Variants in NTM observed in about 807,000 individuals in gnomAD.
NTM encodes the protein IgLON family member 2.
NTM carries 13 observed loss-of-function variants against 42.1 expected under a neutral mutation model. The ratio of observed to expected loss-of-function variants is 0.31; its 90% CI spans 0.20 to 0.49. NTM has a LOEUF of 0.49. Ranked by LOEUF, NTM falls within the 20% of genes least tolerant of loss-of-function variation. The pLI is 0.99. For missense variants in NTM, 373 were observed against 452.8 expected (o/e 0.82, Z 1.60); for synonymous variants, 187 against 179.2 (o/e 1.04, Z -0.35).
At chr11:131,889,475 C>T (rs1449845658) in intron 1 of NTM, among the ~76,000 whole-genome samples, 1 of 152,192 alleles carries the variant, frequency 6.6e-6, no homozygotes, top group Non-Finnish European at 1.5e-5. Context: ...CTAAGCAAAA[C>T]ATAATTACCC....
chr11:131,911,074 G>A, intron 1 of NTM: 1 of 1,115,270 alleles, frequency 9.0e-7, no homozygotes, highest in Non-Finnish European at 1.1e-6. Context: ...GCTGGATGAA[G>A]CCCACCCCGT....
chr11:131,820,157 AC>A (rs1277583205), intron 1 of NTM, among the ~76,000 whole-genome samples: 1 of 152,220 alleles, frequency 6.6e-6, no homozygotes, highest in Non-Finnish European at 1.5e-5. Context: ...CCTTTCAACC[AC>A]AACAGCCTGG....
intron 1 of NTM, among the ~76,000 whole-genome samples, chr11:131,694,963 G>A (rs528648719): frequency 3.9e-5 from 6 of 152,292 alleles, no homozygotes; most frequent in African/African-American, 1.4e-4. Context: ...CCCCAGCAGA[G>A]GGGCAGTCGG....
At chr11:132,203,626 A>G (rs1263144816) in intron 3 of NTM, among the ~76,000 whole-genome samples, 1 of 152,158 alleles carries the variant, frequency 6.6e-6, no homozygotes, top group Non-Finnish European at 1.5e-5. Flanking sequence ...GCGCGGTGGC[A>G]CATGCCTGTA....
At chr11:131,474,668 C>T (rs989885064) in intron 1 of NTM, among the ~76,000 whole-genome samples, 1 of 152,180 alleles carries the variant, frequency 6.6e-6, no homozygotes, top group Non-Finnish European at 1.5e-5. Flanking sequence ...ACATTCATCT[C>T]TTCCCGTGCT....
At chr11:131,556,038 G>T (rs2055366340) in intron 1 of NTM, among the ~76,000 whole-genome samples, 1 of 152,214 alleles carries the variant, frequency 6.6e-6, no homozygotes, top group Admixed American at 6.5e-5. Context: ...GCCAGAAAAT[G>T]ATAGTTTCAT....
intron 1 of NTM, among the ~76,000 whole-genome samples, chr11:131,442,277 A>G (rs1949683388): frequency 6.6e-6 from 1 of 152,138 alleles, no homozygotes; most frequent in African/African-American, 2.4e-5. Flanking sequence ...TGAGACTCAC[A>G]TTTTATTATA....
chr11:131,894,138 GTGT>G (rs2051838294), intron 1 of NTM, among the ~76,000 whole-genome samples: 1 of 152,174 alleles, frequency 6.6e-6, no homozygotes, highest in Admixed American at 6.5e-5. Context: ...TAACAATCTG[GTGT>G]TTGTTGGGAA....
intron 2 of NTM, among the ~76,000 whole-genome samples, chr11:132,019,219 C>T (rs1449976532): frequency 2.6e-5 from 4 of 151,316 alleles, no homozygotes; most frequent in Non-Finnish European, 5.9e-5. Flanking sequence ...ATTTAGTTTT[C>T]TATTCCAGTT....
chr11:131,618,628 T>A (rs959009928), intron 1 of NTM, among the ~76,000 whole-genome samples: 15 of 152,210 alleles, frequency 9.9e-5, no homozygotes, highest in African/African-American at 3.4e-4. Context: ...GAGCCCACTT[T>A]AAAACCTCCC....
intron 1 of NTM, among the ~76,000 whole-genome samples, chr11:131,424,549 A>T (rs1341554216): frequency 6.8e-6 from 1 of 147,724 alleles, no homozygotes; most frequent in Non-Finnish European, 1.5e-5. Flanking sequence ...CATGCTGATA[A>T]GTTACCGTCT....
intron 1 of NTM, among the ~76,000 whole-genome samples, chr11:131,484,971 T>C (rs1268816351): frequency 6.6e-6 from 1 of 152,168 alleles, no homozygotes; most frequent in Non-Finnish European, 1.5e-5. Context: ...CAAGATTTTA[T>C]ACTTGAAAAA....
At chr11:131,868,655 C>T (rs2047462645) in intron 1 of NTM, among the ~76,000 whole-genome samples, 1 of 152,360 alleles carries the variant, frequency 6.6e-6, no homozygotes, top group Admixed American at 6.5e-5. Context: ...ACACCCTGAG[C>T]TCTGTGTCAC....
intron 1 of NTM, among the ~76,000 whole-genome samples, chr11:131,460,716 C>A (rs1565524496): frequency 6.6e-6 from 1 of 152,210 alleles, no homozygotes; most frequent in Admixed American, 6.5e-5. Flanking sequence ...CCACGCCTGG[C>A]TAATTCTTTG....
chr11:131,729,986 T>C (rs1322649337), intron 1 of NTM, among the ~76,000 whole-genome samples: 1 of 152,172 alleles, frequency 6.6e-6, no homozygotes, highest in East Asian at 1.9e-4. Flanking sequence ...GGTCAGATGG[T>C]AATTCTATAT....
intron 1 of NTM, among the ~76,000 whole-genome samples, chr11:131,692,611 A>G (rs1378448101): frequency 2.0e-5 from 3 of 152,254 alleles, no homozygotes; most frequent in Non-Finnish European, 2.9e-5. Context: ...CCATTTTGGC[A>G]TCTGGGCCAA....
chr11:132,226,933 T>C (rs1369330556), intron 4 of NTM, among the ~76,000 whole-genome samples: 3 of 152,176 alleles, frequency 2.0e-5, no homozygotes, highest in Non-Finnish European at 4.4e-5. Context: ...CATCAAAAAC[T>C]CCAAGAAAAG....
chr11:131,543,607 C>T (rs2053560075), intron 1 of NTM, among the ~76,000 whole-genome samples: 1 of 152,164 alleles, frequency 6.6e-6, no homozygotes, highest in Non-Finnish European at 1.5e-5. Context: ...TGGAGGCTGC[C>T]CAAAGCCTGC....
At chr11:131,999,037 G>T (rs1336982911) in intron 2 of NTM, among the ~76,000 whole-genome samples, 1 of 152,128 alleles carries the variant, frequency 6.6e-6, no homozygotes, top group Non-Finnish European at 1.5e-5. Flanking sequence ...AGCCCCAGCT[G>T]AACTGCCATG....
Sources: allele counts gnomAD v4.1 joint callset (sites outside exome capture counted in the v4.1 genomes callset), GRCh38; gene constraint gnomAD v4.1.1; transcripts MANE v1.5; gene names NCBI Gene and HGNC (gene_info 2026-07-23, HGNC 2026-07-21).